PARN: variants seen among roughly 807,000 people sequenced by gnomAD.
The protein encoded by PARN is poly(A)-specific ribonuclease PARN.
In PARN, 71 loss-of-function variants were observed where a neutral mutation model predicts 102.8. The observed-to-expected ratio is 0.69, with a 90% CI of 0.57 to 0.84. The LOEUF (loss-of-function observed/expected upper bound fraction) is 0.84. Ranked by LOEUF, PARN falls within the 40% of genes least tolerant of loss-of-function variation. The probability of loss-of-function intolerance (pLI) is 0.00; values close to 1 mark genes in which losing one functional copy is unlikely to be tolerated. For missense variants in PARN, 782 were observed against 760.9 expected, an observed-to-expected ratio of 1.03 and a Z score of -0.33; for synonymous variants, 261 against 252.9, an observed-to-expected ratio of 1.03 and a Z score of -0.30.
At chr16:14,503,103 C>T (rs922441400) in intron 21 of PARN, among the ~76,000 whole-genome samples, 2 of 152,102 alleles carry the variant, frequency 1.3e-5, no homozygotes, top group East Asian at 1.9e-4. Context: ...CTCCTATCCA[C>T]GCTGCTTTGG....
At chr16:14,472,960 C>G (rs1962833420) in intron 22 of PARN, among the ~76,000 whole-genome samples, 2 of 152,028 alleles carry the variant, frequency 1.3e-5, no homozygotes, top group African/African-American at 4.8e-5. Flanking sequence ...CTCTTGGGAT[C>G]AACTTATAAA....
At chr16:14,541,369 C>G (rs926739581) in intron 21 of PARN, among the ~76,000 whole-genome samples, 22 of 152,094 alleles carry the variant, frequency 1.4e-4, no homozygotes, top group African/African-American at 5.3e-4. Context: ...ATGTGGCAAA[C>G]TGGGAGCAAT....
chr16:14,443,658 T>G (rs1325086893), intron 23 of PARN, among the ~76,000 whole-genome samples: 3 of 152,168 alleles, frequency 2.0e-5, no homozygotes, highest in Non-Finnish European at 2.9e-5. Flanking sequence ...TTTAAAAAAT[T>G]TGTTTTGTGT....
At chr16:14,482,232 A>G (rs1171983026) in intron 22 of PARN, among the ~76,000 whole-genome samples, 1 of 152,144 alleles carries the variant, frequency 6.6e-6, no homozygotes, top group Non-Finnish European at 1.5e-5. Flanking sequence ...CCTCATCTCT[A>G]CAAAAAATCA....
intron 21 of PARN, among the ~76,000 whole-genome samples, chr16:14,493,495 C>G (rs999771145): frequency 2.0e-5 from 3 of 152,214 alleles, no homozygotes; most frequent in Non-Finnish European, 4.4e-5. Context: ...AAATTACAGG[C>G]ATGAACCACT....
chr16:14,437,243 T>TCA (rs1056575402), intron 23 of PARN, among the ~76,000 whole-genome samples: 2 of 152,154 alleles, frequency 1.3e-5, no homozygotes, highest in Non-Finnish European at 2.9e-5. Context: ...GTGGCTGAGA[T>TCA]GGGGTCTGAA....
intron 21 of PARN, among the ~76,000 whole-genome samples, chr16:14,531,347 A>G (rs377476271): frequency 2.0e-5 from 3 of 149,752 alleles, no homozygotes; most frequent in South Asian, 4.2e-4. Context: ...GAGTGACAGC[A>G]CAAGACTCCA....
chr16:14,617,514 A>C, intron 6 of PARN, 76 bp downstream of exon 6: 1 of 804,826 alleles, frequency 1.2e-6, no homozygotes, highest in Non-Finnish European at 2.2e-6. Context: ...AATAATTCTC[A>C]ACCAAGTTCA....
chr16:14,473,720 G>A (rs1962880062), intron 22 of PARN, among the ~76,000 whole-genome samples: 1 of 152,156 alleles, frequency 6.6e-6, no homozygotes, highest in South Asian at 2.1e-4. Flanking sequence ...GCTGCCATAA[G>A]GGTCAAAGGG....
intron 7 of PARN, among the ~76,000 whole-genome samples, 169 bp downstream of exon 7, chr16:14,610,470 CAAAAA>C (rs554927448): frequency 1.1e-5 from 1 of 91,334 alleles, no homozygotes. Context: ...AAGACTGTCT[CAAAAA>C]AAAAAAAAAA....
At chr16:14,492,808 G>T (rs1018222173) in intron 21 of PARN, among the ~76,000 whole-genome samples, 3 of 152,154 alleles carry the variant, frequency 2.0e-5, no homozygotes, top group African/African-American at 7.2e-5. Flanking sequence ...GAAAACCACA[G>T]GCTCTGAGGC....
intron 22 of PARN, among the ~76,000 whole-genome samples, chr16:14,449,576 C>T (rs1019162029): frequency 2.6e-5 from 4 of 151,892 alleles, no homozygotes. Flanking sequence ...TGACAAACCA[C>T]GAGGAAATAT....
At chr16:14,446,746 C>A in intron 23 of PARN, 142 bp downstream of exon 23, 1 of 575,650 alleles carries the variant, frequency 1.7e-6, no homozygotes, top group Non-Finnish European at 3.0e-6. Flanking sequence ...TAAATTGATC[C>A]TAAAAATATC....
chr16:14,460,086 T>C (rs1961881056), intron 22 of PARN, among the ~76,000 whole-genome samples: 1 of 152,182 alleles, frequency 6.6e-6, no homozygotes, highest in Non-Finnish European at 1.5e-5. Flanking sequence ...AGTTCTCATG[T>C]AGATATAAGA....
intron 19 of PARN, among the ~76,000 whole-genome samples, chr16:14,554,434 ATT>A (rs56118961): frequency 1.3e-4 from 19 of 144,534 alleles, no homozygotes; most frequent in Non-Finnish European, 1.7e-4. Context: ...TTATTTTTTA[ATT>A]TTTTTTTTTT....
chr16:14,454,348 C>T (rs1204892860), intron 22 of PARN, among the ~76,000 whole-genome samples: 4 of 152,168 alleles, frequency 2.6e-5, no homozygotes, highest in Admixed American at 6.5e-5. Flanking sequence ...TTTTTTTCCA[C>T]AGTGTGTGCC....
intron 21 of PARN, among the ~76,000 whole-genome samples, chr16:14,515,025 C>A (rs761433339): frequency 6.6e-6 from 1 of 152,232 alleles, no homozygotes; most frequent in Non-Finnish European, 1.5e-5. Context: ...AACATCTTTA[C>A]GAATCAACAC....
chr16:14,614,137 G>A (rs540281113), intron 6 of PARN, among the ~76,000 whole-genome samples: 1 of 152,094 alleles, frequency 6.6e-6, no homozygotes, highest in South Asian at 2.1e-4. Context: ...TGCACCTATG[G>A]TTCCAGCTAC....
intron 12 of PARN, among the ~76,000 whole-genome samples, chr16:14,599,041 T>TC (rs939248689): frequency 7.1e-6 from 1 of 140,554 alleles, no homozygotes; most frequent in African/African-American, 2.6e-5. Flanking sequence ...CCTCTTCTTT[T>TC]TTTTTTTTTT....
Sources: gnomAD v4.1 joint callset for allele counts (sites outside exome capture counted in the v4.1 genomes callset) on GRCh38, gnomAD v4.1.1 for gene constraint, MANE v1.5 for transcripts, NCBI Gene and HGNC (gene_info 2026-07-23, HGNC 2026-07-21) for gene names.